Variants in SAR1B observed in about 807,000 individuals in gnomAD.
SAR1B encodes secretion associated Ras related GTPase 1B.
SAR1B carries 23 observed loss-of-function variants against 26.8 expected under a neutral mutation model. That is an observed-to-expected ratio of 0.86 (90% CI 0.62 to 1.22). SAR1B has a LOEUF of 1.22. Among genes scored for constraint, SAR1B ranks in the 50% most tolerant of loss-of-function variants. SAR1B has a pLI of 0.00. For synonymous variants in SAR1B, 65 were observed against 80.8 expected (o/e 0.80, Z 1.05); for missense variants, 196 against 232.8 (o/e 0.84, Z 1.03).
chr5:134,609,447 C>A (rs1009307192), intron 5 of SAR1B, 124 bp downstream of exon 5: 3 of 770,090 alleles, frequency 3.9e-6, no homozygotes, highest in Non-Finnish European at 6.8e-6. Context: ...CTGAGCTCAA[C>A]AAATTGCCAA....
intron 4 of SAR1B, among the ~76,000 whole-genome samples, chr5:134,611,334 C>T (rs1230805758): frequency 2.6e-5 from 4 of 152,116 alleles, no homozygotes; most frequent in Admixed American, 2.0e-4. Context: ...AACTATATGT[C>T]GCATCAGGTT....
intron 1 of SAR1B, among the ~76,000 whole-genome samples, chr5:134,626,520 G>A (rs2150056091): frequency 6.6e-6 from 1 of 152,166 alleles, no homozygotes; most frequent in East Asian, 1.9e-4. Flanking sequence ...CATGTGAAGA[G>A]CAAAGGTCAA....
intron 2 of SAR1B, among the ~76,000 whole-genome samples, chr5:134,622,410 C>CTT (rs70976542): frequency 1.7e-4 from 23 of 135,588 alleles, no homozygotes; most frequent in Admixed American, 3.0e-4. Flanking sequence ...AGCCCATATT[C>CTT]TTTTTTTTTT....
intron 1 of SAR1B, among the ~76,000 whole-genome samples, chr5:134,630,628 C>T (rs1401655790): frequency 6.7e-6 from 1 of 149,324 alleles, no homozygotes; most frequent in African/African-American, 2.5e-5. Context: ...ACTAAAAATA[C>T]AAAAATCAGC....
chr5:134,620,035 G>A (rs950791197), intron 3 of SAR1B, among the ~76,000 whole-genome samples: 2 of 151,610 alleles, frequency 1.3e-5, no homozygotes, highest in African/African-American at 2.4e-5. Flanking sequence ...GCCTGGGCGC[G>A]GTGGCTCACA....
At chr5:134,624,892 T>A (rs1460406145) in intron 1 of SAR1B, among the ~76,000 whole-genome samples, 1 of 152,106 alleles carries the variant, frequency 6.6e-6, no homozygotes, top group African/African-American at 2.4e-5. Flanking sequence ...CCTCCAAAAG[T>A]GCTGGGATTA....
At chr5:134,617,215 G>A (rs1264053934) in intron 3 of SAR1B, among the ~76,000 whole-genome samples, 1 of 151,800 alleles carries the variant, frequency 6.6e-6, no homozygotes, top group Non-Finnish European at 1.5e-5. Flanking sequence ...CTGGGCCACA[G>A]AGTGAGACAC....
At chr5:134,629,362 C>T (rs1765558942) in intron 1 of SAR1B, among the ~76,000 whole-genome samples, 2 of 151,172 alleles carry the variant, frequency 1.3e-5, no homozygotes, top group Admixed American at 1.3e-4. Context: ...AGTTTGAGAC[C>T]AGACTGGGCA....
intron 1 of SAR1B, among the ~76,000 whole-genome samples, chr5:134,625,259 G>T (rs1235842657): frequency 6.6e-6 from 1 of 152,176 alleles, no homozygotes; most frequent in Non-Finnish European, 1.5e-5. Flanking sequence ...AGTTGGAATT[G>T]AAACTCAAAC....
At chr5:134,622,529 G>A (rs1281455548) in intron 2 of SAR1B, among the ~76,000 whole-genome samples, 1 of 150,126 alleles carries the variant, frequency 6.7e-6, no homozygotes, top group Admixed American at 6.7e-5. Flanking sequence ...TCCTGCCTCA[G>A]CCTCCCAAGT....
At chr5:134,629,476 A>G (rs1045749969) in intron 1 of SAR1B, among the ~76,000 whole-genome samples, 2 of 152,180 alleles carry the variant, frequency 1.3e-5, no homozygotes, top group Non-Finnish European at 2.9e-5. Flanking sequence ...AGGCGGGCAG[A>G]TCACGAGGTC....
chr5:134,613,933 G>A (rs1461468990), intron 3 of SAR1B: 1 of 152,142 alleles, frequency 6.6e-6, no homozygotes, highest in Non-Finnish European at 1.5e-5. Flanking sequence ...TGGAGTTTCT[G>A]TTGCATTGAG....
At chr5:134,607,850 A>T (rs1765154234) in intron 6 of SAR1B, among the ~76,000 whole-genome samples, 1 of 152,156 alleles carries the variant, frequency 6.6e-6, no homozygotes, top group Non-Finnish European at 1.5e-5. Flanking sequence ...AACTAAAAAA[A>T]TTTTGTAAAT....
chr5:134,618,643 C>T (rs1479527079), intron 3 of SAR1B, among the ~76,000 whole-genome samples: 1 of 152,236 alleles, frequency 6.6e-6, no homozygotes, highest in Non-Finnish European at 1.5e-5. Flanking sequence ...CCCACTTTAA[C>T]ATTAACTTTA....
chr5:134,629,128 A>G (rs974998395), intron 1 of SAR1B, among the ~76,000 whole-genome samples: 1 of 152,040 alleles, frequency 6.6e-6, no homozygotes, highest in Admixed American at 6.6e-5. Flanking sequence ...AAAAAAAAAA[A>G]AAAGAAGGAT....
intron 6 of SAR1B, among the ~76,000 whole-genome samples, chr5:134,607,490 G>A (rs886224930): frequency 4.6e-5 from 7 of 150,724 alleles, no homozygotes; most frequent in African/African-American, 1.5e-4. Context: ...AGCCTCCTGC[G>A]GACCGGGCGT....
intron 1 of SAR1B, among the ~76,000 whole-genome samples, chr5:134,626,298 CAAAAAAAAAAAAAA>C (rs35668627): frequency 3.6e-4 from 19 of 53,116 alleles, no homozygotes; most frequent in African/African-American, 6.7e-4. Context: ...GACTCTGCCT[CAAAAAAAAAAAAAA>C]AAAAAAAAAA....
At position 134,608,885 on chromosome 5, in the gene SAR1B, T is replaced by C. The variant is rs188377048; in HGVS notation, c.349-382A>G. 5.2e-3 allele frequency: 1,882 copies of C among 362,260 alleles called. 10 individuals carry two copies. Among genetic ancestry groups the C allele is most frequent in the Non-Finnish European group, 7.3e-3 (1,342 of 184,896 alleles). The allele number at this position is 362,260 out of a possible 1,614,324, so 22.4% of individuals were successfully genotyped here. On this transcript the variant is annotated intron_variant, in intron 5 of 6. Coordinates refer to ENST00000402673, the MANE Select transcript of SAR1B (RefSeq NM_016103.4). ...GAACAGTAGCATCCACCCTATGAAATTGAGAATTAAATCAAGTAATACGCA... is the reference window on the plus strand; with the variant it reads ...GAACAGTAGCATCCACCCTATGAAACTGAGAATTAAATCAAGTAATACGCA...
intron 3 of SAR1B, chr5:134,614,541 T>A (rs1294167011): frequency 6.6e-6 from 1 of 152,256 alleles, no homozygotes; most frequent in Non-Finnish European, 1.5e-5. Context: ...AGAGCTCTAG[T>A]AATTATTTGG....
Sources: allele counts gnomAD v4.1 joint callset (sites outside exome capture counted in the v4.1 genomes callset), GRCh38; gene constraint gnomAD v4.1.1; transcripts MANE v1.5; gene names NCBI Gene and HGNC (gene_info 2026-07-23, HGNC 2026-07-21).